CMTM4: variants seen among roughly 807,000 people sequenced by gnomAD.
The protein encoded by CMTM4 is CKLF-like MARVEL transmembrane domain-containing protein 4.
In CMTM4, 8 loss-of-function variants were observed where a neutral mutation model predicts 19.0. The observed-to-expected ratio is 0.42, with a 90% CI of 0.25 to 0.76. CMTM4 has a LOEUF of 0.76. Among genes scored for constraint, CMTM4 ranks in the 30% least tolerant of loss-of-function variants. The probability of loss-of-function intolerance (pLI) is 0.27; values close to 1 mark genes in which losing one functional copy is unlikely to be tolerated. For synonymous variants in CMTM4, 106 were observed against 121.1 expected (o/e 0.88, Z 0.82); for missense variants, 228 against 290.2 (o/e 0.79, Z 1.56).
At chr16:66,599,431 TTTC>T in the CMTM4 span, among the ~76,000 whole-genome samples, 19 of 152,308 alleles carry the variant, frequency 1.2e-4, no homozygotes, top group Middle Eastern at 3.4e-3. Flanking sequence ...ACACTTTTTC[TTTC>T]TTCTTTTTTT....
chr16:66,687,960 T>C (rs2017066863), intron 1 of CMTM4, among the ~76,000 whole-genome samples: 1 of 152,118 alleles, frequency 6.6e-6, no homozygotes, highest in Non-Finnish European at 1.5e-5. Context: ...GTGCTGGGAT[T>C]ACAGGTGTAA....
the CMTM4 span, among the ~76,000 whole-genome samples, chr16:66,606,942 T>C: frequency 2.6e-5 from 4 of 152,174 alleles, no homozygotes; most frequent in African/African-American, 9.6e-5. Context: ...TGCAGTGAAC[T>C]GAGATCGTGC....
At chr16:66,653,826 C>G (rs192922669) in intron 1 of CMTM4, among the ~76,000 whole-genome samples, 1 of 152,230 alleles carries the variant, frequency 6.6e-6, no homozygotes, top group Non-Finnish European at 1.5e-5. Flanking sequence ...CTCTGCCTAC[C>G]GGGTTCAAGC....
chr16:66,633,962 C>G (rs914603990), intron 2 of CMTM4, among the ~76,000 whole-genome samples: 3 of 152,102 alleles, frequency 2.0e-5, no homozygotes, highest in Admixed American at 2.0e-4. Context: ...TCTCAAGTGA[C>G]CACATCACCA....
chr16:66,665,956 C>T (rs2016584814), intron 1 of CMTM4, among the ~76,000 whole-genome samples: 1 of 152,016 alleles, frequency 6.6e-6, no homozygotes, highest in African/African-American at 2.4e-5. Context: ...CCTGTAATCC[C>T]AGCTACTTGG....
downstream of CMTM4, chr16:66,610,958 C>T: frequency 1.3e-5 from 5 of 398,520 alleles, no homozygotes; most frequent in Non-Finnish European, 2.2e-5. The surrounding 1 kb of genome is among the most constrained non-coding windows in gnomAD (Gnocchi z 4.6). Context: ...GTTAGAGCTC[C>T]CAGGCGGTTT....
intron 1 of CMTM4, among the ~76,000 whole-genome samples, chr16:66,690,528 C>T (rs1007988940): frequency 5.3e-5 from 8 of 152,180 alleles, no homozygotes; most frequent in African/African-American, 1.7e-4. Flanking sequence ...CCTGCACATC[C>T]TCCAGAGAAC....
the CMTM4 span, chr16:66,604,588 G>C: frequency 2.9e-6 from 1 of 344,436 alleles, no homozygotes; most frequent in Non-Finnish European, 5.1e-6. Flanking sequence ...GCCGGGGAGG[G>C]GGCGGGTCGG....
intron 1 of CMTM4, among the ~76,000 whole-genome samples, chr16:66,692,035 C>A (rs769761093): frequency 9.2e-5 from 14 of 151,772 alleles, no homozygotes; most frequent in Non-Finnish European, 1.5e-4. Flanking sequence ...ACCGAAAAAT[C>A]TCAGCTTTAA....
At chr16:66,672,235 T>C (rs1006132455) in intron 1 of CMTM4, among the ~76,000 whole-genome samples, 1 of 147,442 alleles carries the variant, frequency 6.8e-6, no homozygotes. Context: ...CTGTCTCTAC[T>C]AAAAATACAA....
At chr16:66,633,092 T>C (rs999152960) in intron 2 of CMTM4, among the ~76,000 whole-genome samples, 3 of 51,806 alleles carry the variant, frequency 5.8e-5, no homozygotes, top group African/African-American at 3.6e-4. Flanking sequence ...TTTCAAAATA[T>C]ATATATATAA....
At chr16:66,633,135 A>G (rs1446517701) in intron 2 of CMTM4, among the ~76,000 whole-genome samples, 1 of 139,228 alleles carries the variant, frequency 7.2e-6, no homozygotes, top group East Asian at 2.2e-4. Context: ...ATATATAAAT[A>G]TATATATATA....
chr16:66,630,309 A>C (rs184167331), intron 2 of CMTM4, among the ~76,000 whole-genome samples: 2,507 of 12,876 alleles, frequency 0.19, 22 homozygotes, highest in Non-Finnish European at 0.21. Context: ...CCTCCCCCTC[A>C]CCCTCCCCCT....
At chr16:66,641,090 CA>C (rs2016091106) in intron 1 of CMTM4, among the ~76,000 whole-genome samples, 1 of 152,204 alleles carries the variant, frequency 6.6e-6, no homozygotes, top group African/African-American at 2.4e-5. Flanking sequence ...CTCTGTCACC[CA>C]GGGGGTGCAG....
the CMTM4 span, among the ~76,000 whole-genome samples, chr16:66,601,065 T>C: frequency 1.3e-5 from 2 of 151,732 alleles, no homozygotes; most frequent in South Asian, 2.1e-4. Context: ...CCTGTGCAGG[T>C]TGGGAAGCTC....
Position 66,617,529 on chromosome 16 carries a change from T to C in CMTM4, c.*4529A>G. On this transcript the variant is annotated 3_prime_UTR_variant, in exon 4 of 4. Transcript: ENST00000394106. ...GAAGAATTAAACAGAACATTCACTT[T>C]CGGAAGAAAATTTTTCTAGACCTAA... 2.2e-6 allele frequency: 3 copies of C among 1,379,060 alleles called. No homozygotes were observed. Among genetic ancestry groups the C allele is most frequent in the Non-Finnish European group, 2.8e-6 (3 of 1,067,800 alleles). 85.4% of individuals were successfully genotyped at this position (1,379,060 alleles called of 1,614,324 possible).
downstream of CMTM4, chr16:66,613,233 A>C (rs1232932811): frequency 1.5e-6 from 1 of 677,270 alleles, no homozygotes; most frequent in Non-Finnish European, 2.7e-6. Context: ...GGCACCCATA[A>C]CTAACACCTC....
At chr16:66,635,588 G>C (rs61194351) in intron 2 of CMTM4, among the ~76,000 whole-genome samples, 1 of 152,084 alleles carries the variant, frequency 6.6e-6, no homozygotes, top group Admixed American at 6.6e-5. Context: ...AGGGTAGCTG[G>C]TCTGAGGCGC....
intron 1 of CMTM4, among the ~76,000 whole-genome samples, chr16:66,664,368 T>TAGTA (rs1212634085): frequency 1.3e-5 from 2 of 151,916 alleles, no homozygotes; most frequent in Non-Finnish European, 2.9e-5. Context: ...GGAATATCAG[T>TAGTA]AGTGAAAGAA....
Sources: gnomAD v4.1 joint callset for allele counts (sites outside exome capture counted in the v4.1 genomes callset) on GRCh38, gnomAD v4.1.1 for gene constraint, Gnocchi (gnomAD v3.1) non-coding constraint, MANE v1.5 for transcripts, NCBI Gene and HGNC (gene_info 2026-07-23, HGNC 2026-07-21) for gene names.